Variants in KHDRBS3 observed in about 807,000 individuals in gnomAD.
KHDRBS3 encodes the protein KH RNA binding domain containing, signal transduction associated 3.
A neutral mutation model predicts 45.6 loss-of-function variants in KHDRBS3; 23 were observed. The ratio of observed to expected loss-of-function variants is 0.50; its 90% CI spans 0.36 to 0.72. The LOEUF (loss-of-function observed/expected upper bound fraction) is 0.72, where lower values mean the gene tolerates loss of function less well. Among genes scored for constraint, KHDRBS3 ranks in the 30% least tolerant of loss-of-function variants. The pLI, the probability that KHDRBS3 is intolerant of heterozygous loss-of-function variation, is 0.00. For missense variants in KHDRBS3, 352 were observed against 424.8 expected, an observed-to-expected ratio of 0.83 and a Z score of 1.51; for synonymous variants, 162 against 156.5, an observed-to-expected ratio of 1.04 and a Z score of -0.26.
chr8:135,491,803 C>G (rs1823166647), intron 1 of KHDRBS3, among the ~76,000 whole-genome samples: 1 of 152,080 alleles, frequency 6.6e-6, no homozygotes, highest in African/African-American at 2.4e-5. Flanking sequence ...AACATTTTTA[C>G]TTATAATTCA....
chr8:135,603,418 ATTTG>A (rs1235715326), intron 6 of KHDRBS3, among the ~76,000 whole-genome samples: 1 of 152,180 alleles, frequency 6.6e-6, no homozygotes, highest in Non-Finnish European at 1.5e-5. Flanking sequence ...ATCTCAAAGT[ATTTG>A]TTTGTTGTCT....
rs998666470 is a variant in KHDRBS3 at position 135,647,522 on chromosome 8, G to T, written c.*438G>T. The T allele has an allele frequency of 3.9e-5, 6 of 152,820 alleles. No homozygotes were observed. Among genetic ancestry groups the T allele is most frequent in the Non-Finnish European group, 8.8e-5 (6 of 68,310 alleles). 9.5% of individuals were successfully genotyped at this position (152,820 alleles called of 1,614,324 possible). A position where few individuals can be genotyped will look rare whatever the true frequency, so the allele number is the denominator to read the frequency against. On this transcript the variant is annotated 3_prime_UTR_variant, in exon 9 of 9. Transcript: ENST00000355849. ...GCCAATTACAAGTGCAAATAATGTG[G>T]TATTCTTTTGTAACTCAAGTCTTGA...
intron 1 of KHDRBS3, among the ~76,000 whole-genome samples, chr8:135,499,069 G>A (rs1823599950): frequency 1.3e-5 from 2 of 152,146 alleles, no homozygotes; most frequent in Non-Finnish European, 2.9e-5. Context: ...CTATTCTAGT[G>A]GGCAGGCACC....
chr8:135,567,969 C>A (rs948707935), intron 5 of KHDRBS3, among the ~76,000 whole-genome samples: 3 of 152,188 alleles, frequency 2.0e-5, no homozygotes, highest in Admixed American at 6.5e-5. Flanking sequence ...TTAAGGGGCA[C>A]AGGAAGGCTC....
chr8:135,559,921 A>G (rs969296925), intron 5 of KHDRBS3, among the ~76,000 whole-genome samples: 1 of 152,196 alleles, frequency 6.6e-6, no homozygotes, highest in Non-Finnish European at 1.5e-5. Flanking sequence ...ATAGATAAGT[A>G]AAAAGAGAAA....
chr8:135,535,182 A>G (rs573187022), intron 2 of KHDRBS3, among the ~76,000 whole-genome samples: 3 of 151,126 alleles, frequency 2.0e-5, no homozygotes, highest in Admixed American at 6.6e-5. Flanking sequence ...TGAAAATCAT[A>G]TAGTTTATAC....
intron 3 of KHDRBS3, among the ~76,000 whole-genome samples, chr8:135,545,132 G>A (rs1032650756): frequency 3.3e-5 from 5 of 151,998 alleles, no homozygotes; most frequent in African/African-American, 1.2e-4. Flanking sequence ...ATTGTTTTGG[G>A]AGGACTAGGA....
Position 135,642,352 on chromosome 8 carries a change from T to C in KHDRBS3, c.891-2707T>C, listed in dbSNP as rs559311531. The stretch of plus-strand genomic sequence containing the variant: ...CAGCTTGGGCCTCAGCTGCCTCGTC[T>C]ATAAAAGCATAGAGTTTTTTTAGAT... On this transcript the variant is annotated intron_variant, in intron 7 of 8. Transcript: ENST00000355849. Among the ~76,000 whole-genome samples, 11 of 152,376 alleles carry C rather than the reference T, an allele frequency of 7.2e-5. No individual in the cohort carries two copies. In the South Asian group the frequency reaches 2.1e-3, roughly 29 times the overall value.
rs1298032312 is a variant in KHDRBS3 at position 135,614,325 on chromosome 8, C to T, written c.890+7288C>T. ...CTCAGCCCTCAGAGCCCTTCCTCTG[C>T]CCCGACATGGCTTGAATCTTCACAG... On this transcript the variant is annotated intron_variant, in intron 7 of 8. Coordinates refer to ENST00000355849, the MANE Select transcript of KHDRBS3 (RefSeq NM_006558.3). Among the ~76,000 whole-genome samples the T allele has an allele frequency of 2.0e-5, 3 of 151,930 alleles. No homozygotes were observed. The East Asian group carries it at 5.8e-4, about 29-fold the overall frequency.
intron 2 of KHDRBS3, among the ~76,000 whole-genome samples, chr8:135,525,832 T>C (rs1825155453): frequency 6.6e-6 from 1 of 152,176 alleles, no homozygotes; most frequent in African/African-American, 2.4e-5. Context: ...CATAGTCTAG[T>C]TGATGATGAT....
intron 2 of KHDRBS3, among the ~76,000 whole-genome samples, chr8:135,526,956 C>A (rs1432119071): frequency 2.6e-5 from 4 of 151,178 alleles, no homozygotes; most frequent in African/African-American, 9.7e-5. Flanking sequence ...GCAGATAAAC[C>A]TTAACCTCTG....
At chr8:135,594,731 GGT>G (rs1828897286) in intron 6 of KHDRBS3, among the ~76,000 whole-genome samples, 1 of 152,126 alleles carries the variant, frequency 6.6e-6, no homozygotes, top group Non-Finnish European at 1.5e-5. Flanking sequence ...AAATTAAAAA[GGT>G]ATTTTGAATT....
intron 1 of KHDRBS3, among the ~76,000 whole-genome samples, chr8:135,512,566 G>A (rs1824357737): frequency 6.6e-6 from 1 of 151,962 alleles, no homozygotes; most frequent in Admixed American, 6.6e-5. Context: ...ACAAGTTACA[G>A]TTTTTAGAAG....
intron 3 of KHDRBS3, among the ~76,000 whole-genome samples, chr8:135,546,015 G>A (rs879456430): frequency 1.2e-4 from 19 of 152,070 alleles, no homozygotes; most frequent in Admixed American, 6.6e-4. Flanking sequence ...GTGCACGTCT[G>A]TAATCCTGGC....
chr8:135,459,339 T>C (rs1030258806), intron 1 of KHDRBS3, among the ~76,000 whole-genome samples: 1 of 152,244 alleles, frequency 6.6e-6, no homozygotes, highest in Non-Finnish European at 1.5e-5. Flanking sequence ...AATAGACTTA[T>C]GGAGCTCCCT....
chr8:135,523,648 G>T (rs1223393415), intron 2 of KHDRBS3, among the ~76,000 whole-genome samples: 2 of 152,170 alleles, frequency 1.3e-5, no homozygotes, highest in Non-Finnish European at 2.9e-5. Context: ...GAAGACAAAT[G>T]AGGAGAGTAG....
At chr8:135,578,254 C>T (rs1828038315) in intron 5 of KHDRBS3, among the ~76,000 whole-genome samples, 1 of 152,028 alleles carries the variant, frequency 6.6e-6, no homozygotes, top group Admixed American at 6.6e-5. Flanking sequence ...TAGAACTTAC[C>T]AATTTTTCTT....
Position 135,550,066 on chromosome 8 carries a change from A to G in KHDRBS3, c.471+1166A>G, listed in dbSNP as rs558963709. The G allele has an allele frequency of 3.3e-5, 5 of 152,338 alleles. No homozygotes were observed. In the South Asian group the frequency reaches 1.0e-3, roughly 32 times the overall value. 9.4% of individuals were successfully genotyped at this position (152,338 alleles called of 1,614,324 possible). A position where few individuals can be genotyped will look rare whatever the true frequency, so the allele number is the denominator to read the frequency against. On this transcript the variant is annotated intron_variant, in intron 4 of 8. Coordinates refer to ENST00000355849, the MANE Select transcript of KHDRBS3 (RefSeq NM_006558.3). ...ATGGAGTTTAATGGCAAAGAGTCAG[A>G]TATGAGTCAGTTTTTCATATAAATG... is the stretch of plus-strand genomic sequence containing the variant.
intron 7 of KHDRBS3, among the ~76,000 whole-genome samples, chr8:135,619,379 T>C (rs1008655232): frequency 1.3e-5 from 2 of 151,982 alleles, no homozygotes. Context: ...AAAAAATACA[T>C]GTAGGTATAT....
Sources: allele counts gnomAD v4.1 joint callset (sites outside exome capture counted in the v4.1 genomes callset), GRCh38; gene constraint gnomAD v4.1.1; transcripts MANE v1.5; gene names NCBI Gene and HGNC (gene_info 2026-07-23, HGNC 2026-07-21).